Variants in RIMS1 observed in about 807,000 individuals in gnomAD.
The protein encoded by RIMS1 is regulating synaptic membrane exocytosis 1.
In RIMS1, 83 loss-of-function variants were observed where a neutral mutation model predicts 214.1. The ratio of observed to expected loss-of-function variants is 0.39; its 90% CI spans 0.32 to 0.47. The LOEUF (loss-of-function observed/expected upper bound fraction) is 0.47. Among genes scored for constraint, RIMS1 ranks in the 20% least tolerant of loss-of-function variants. The probability of loss-of-function intolerance (pLI) is 0.99; values close to 1 mark genes in which losing one functional copy is unlikely to be tolerated. For missense variants in RIMS1, 2,050 were observed against 2,161.8 expected (o/e 0.95, Z 1.03); for synonymous variants, 793 against 786.8 (o/e 1.01, Z -0.13).
intron 4 of RIMS1, among the ~76,000 whole-genome samples, chr6:72,160,526 T>C (rs1258226558): frequency 7.2e-6 from 1 of 139,716 alleles, no homozygotes; most frequent in African/African-American, 2.5e-5. Context: ...GGGTTTGTCA[T>C]AAATAGCTCT....
chr6:71,958,889 A>C (rs1240265744), intron 1 of RIMS1, among the ~76,000 whole-genome samples: 1 of 152,126 alleles, frequency 6.6e-6, no homozygotes, highest in Non-Finnish European at 1.5e-5. Context: ...ATGTTTGTTC[A>C]TATTTCCATC....
intron 29 of RIMS1, among the ~76,000 whole-genome samples, chr6:72,370,554 T>A (rs2098183428): frequency 6.6e-6 from 1 of 152,228 alleles, no homozygotes; most frequent in African/African-American, 2.4e-5. Flanking sequence ...ATTTTTTACT[T>A]CTGATTCTAC....
rs117321146 is a variant in RIMS1 at position 72,079,527 on chromosome 6, C to A, written c.246-17422C>A. Among the ~76,000 whole-genome samples, 112 of 152,264 alleles carry A rather than the reference C, an allele frequency of 7.4e-4. 2 individuals carry two copies. In the East Asian group the frequency reaches 0.02, roughly 28 times the overall value. On this transcript the variant is annotated intron_variant, in intron 2 of 33. Transcript: ENST00000521978. ...CACTCAGGCTCAGAAAGTTGAACAC[C>A]CTTCACTTGATGTGATTTGGCAATA... is the stretch of plus-strand genomic sequence containing the variant.
chr6:72,002,680 C>G (rs766087526), intron 2 of RIMS1, among the ~76,000 whole-genome samples: 1 of 152,058 alleles, frequency 6.6e-6, no homozygotes, highest in Non-Finnish European at 1.5e-5. Flanking sequence ...CTGTGGAACC[C>G]GCAGAGCTGT....
chr6:72,338,849 A>AAGAGAGAGAGAGAG (rs59731805), intron 29 of RIMS1, among the ~76,000 whole-genome samples: 5 of 138,754 alleles, frequency 3.6e-5, no homozygotes, highest in African/African-American at 1.3e-4. Context: ...CCAACTTGTG[A>AAGAGAGAGAGAGAG]AGAGAGAGAG....
At chr6:72,221,509 T>C (rs2058427520) in intron 6 of RIMS1, among the ~76,000 whole-genome samples, 1 of 152,040 alleles carries the variant, frequency 6.6e-6, no homozygotes, top group Non-Finnish European at 1.5e-5. Flanking sequence ...ATTTGAAAAC[T>C]AAGCCATTAG....
chr6:72,159,395 T>C (rs2153928159), intron 4 of RIMS1, among the ~76,000 whole-genome samples: 1 of 141,094 alleles, frequency 7.1e-6, no homozygotes, highest in East Asian at 2.0e-4. Context: ...GCTCTTTAGT[T>C]AGATCCCATT....
rs779333238 is a variant in RIMS1 at position 72,182,326 on chromosome 6, C to T, written c.855C>T (p.Ala285=). The T allele has an allele frequency of 1.9e-6, 3 of 1,611,670 alleles. No individual in the cohort carries two copies. Among genetic ancestry groups the T allele is most frequent in the Admixed American group, 1.7e-5 (1 of 59,730 alleles). ...TTTCCGAGCAGAATGGCAAAGGAGC[C>T]CTGAAGAGCGAGCGGAAACGCGTGC... ...PGLSEQNGKG[A]LKSERKRVPK... The change falls in exon 6 of 34, where the codon GCC becomes GCT. Residue 285 remains alanine (A), a synonymous_variant. Coordinates refer to ENST00000521978, the MANE Select transcript of RIMS1 (RefSeq NM_014989.7).
intron 2 of RIMS1, among the ~76,000 whole-genome samples, chr6:72,042,873 C>G (rs1348528732): frequency 6.6e-6 from 1 of 151,714 alleles, no homozygotes; most frequent in Non-Finnish European, 1.5e-5. Context: ...AAATGACCAC[C>G]CACAATACTT....
At chr6:72,103,516 A>G (rs922718410) in intron 4 of RIMS1, among the ~76,000 whole-genome samples, 2 of 152,150 alleles carry the variant, frequency 1.3e-5, no homozygotes, top group African/African-American at 4.8e-5. Flanking sequence ...ATAAGGATTC[A>G]TAGTAGGACT....
chr6:72,311,761 A>C (rs1034372832), intron 27 of RIMS1, among the ~76,000 whole-genome samples: 3 of 152,160 alleles, frequency 2.0e-5, no homozygotes, highest in Non-Finnish European at 4.4e-5. Context: ...GTCTGAGGTC[A>C]GGAGTTTAAG....
intron 2 of RIMS1, among the ~76,000 whole-genome samples, chr6:72,045,079 A>G (rs1822581123): frequency 6.6e-6 from 1 of 151,980 alleles, no homozygotes; most frequent in Non-Finnish European, 1.5e-5. Flanking sequence ...CGTCATGCTA[A>G]GTAAAAGAAG....
At chr6:72,297,884 T>C (rs1563735114) in intron 26 of RIMS1, among the ~76,000 whole-genome samples, 1 of 152,038 alleles carries the variant, frequency 6.6e-6, no homozygotes, top group African/African-American at 2.4e-5. Flanking sequence ...GTTCACAGCA[T>C]AGAAATCCTA....
At chr6:71,947,320 C>G (rs75992595) in intron 1 of RIMS1, among the ~76,000 whole-genome samples, 1 of 151,924 alleles carries the variant, frequency 6.6e-6, no homozygotes, top group Non-Finnish European at 1.5e-5. Context: ...ATGAACAGAT[C>G]AATGGATAAA....
chr6:72,115,630 C>T (rs533156006), intron 4 of RIMS1, among the ~76,000 whole-genome samples: 1 of 151,814 alleles, frequency 6.6e-6, no homozygotes, highest in South Asian at 2.1e-4. Context: ...TTTTTAATTT[C>T]AGGAAGCTAA....
intron 16 of RIMS1, among the ~76,000 whole-genome samples, chr6:72,256,316 C>CT (rs1181148966): frequency 6.6e-6 from 1 of 152,048 alleles, no homozygotes; most frequent in Non-Finnish European, 1.5e-5. Flanking sequence ...CGTCAGTATA[C>CT]TTTTTGAATT....
intron 7 of RIMS1, 147 bp downstream of exon 7, chr6:72,233,987 A>G: frequency 1.9e-6 from 1 of 530,570 alleles, no homozygotes; most frequent in East Asian, 2.9e-5. Flanking sequence ...TTGAAGAAAA[A>G]AAGTTATTAC....
intron 1 of RIMS1, among the ~76,000 whole-genome samples, chr6:71,893,316 C>CTTTTT (rs1208098832): frequency 2.7e-5 from 4 of 145,632 alleles, no homozygotes; most frequent in African/African-American, 1.0e-4. Flanking sequence ...TCTTTCTTTT[C>CTTTTT]TTTTTTTTTT....
rs1222992048 is a variant in RIMS1 at position 72,111,264 on chromosome 6, A to G, written c.471+11278A>G. 5.3e-5 allele frequency among the ~76,000 whole-genome samples: 8 copies of G among 152,122 alleles called. No individual in the cohort carries two copies. In the East Asian group the frequency reaches 1.5e-3, roughly 29 times the overall value. ...CTTTCTATTATCCAATGTATGTTGA[A>G]TTTTCTGTACCTACCTTCTCATACT... On this transcript the variant is annotated intron_variant, in intron 4 of 33. Transcript: ENST00000521978.
Sources: gnomAD v4.1 joint callset for allele counts (sites outside exome capture counted in the v4.1 genomes callset) on GRCh38, gnomAD v4.1.1 for gene constraint, MANE v1.5 for transcripts, NCBI Gene and HGNC (gene_info 2026-07-23, HGNC 2026-07-21) for gene names.